The following NDUFAF6 variants were observed in gnomAD, a reference collection of about 807,000 sequenced individuals.
NDUFAF6 encodes NADH:ubiquinone oxidoreductase complex assembly factor 6, also known as NADH dehydrogenase (ubiquinone) complex I, assembly factor 6.
Under a neutral mutation model 40.8 loss-of-function variants are expected in NDUFAF6, and 45 were observed. The ratio of observed to expected loss-of-function variants is 1.10; its 90% CI spans 0.87 to 1.42. The LOEUF (loss-of-function observed/expected upper bound fraction) is 1.42. NDUFAF6 is among the 40% of genes most tolerant of loss of function. NDUFAF6 has a pLI of 0.00. For missense variants in NDUFAF6, 435 were observed against 418.5 expected (o/e 1.04, Z -0.34); for synonymous variants, 185 against 155.9 (o/e 1.19, Z -1.39).
intron 1 of NDUFAF6, among the ~76,000 whole-genome samples, chr8:94,925,156 A>G (rs569597103): frequency 3.5e-4 from 54 of 152,314 alleles, no homozygotes; most frequent in Non-Finnish European, 6.8e-4. Context: ...CATCTCAGCA[A>G]AGACTCAGAT....
intron 2 of NDUFAF6, among the ~76,000 whole-genome samples, chr8:95,090,121 C>G (rs984059496): frequency 7.3e-6 from 1 of 136,430 alleles, no homozygotes; most frequent in Non-Finnish European, 1.5e-5. Flanking sequence ...AAGGTGGGTG[C>G]TCCTTATTAA....
At position 94,991,796 on chromosome 8, in the gene NDUFAF6, G is replaced by GCC. The variant is rs35398480; in HGVS notation, c.-84+10833_-84+10834dup. On this transcript the variant is annotated intron_variant, in intron 2 of 9. Transcript: ENST00000396111. ...TACAAGGAGAGCTTCCTCATTCTTC[G>GCC]CCCCCCCCCCCTTTTTTTTTTTAAA... Among the ~76,000 whole-genome samples the GCC allele has an allele frequency of 1.5e-3, 170 of 113,276 alleles. 3 individuals carry two copies. The highest frequency in any genetic ancestry group is 3.2e-3 in the African/African-American group (96 of 30,054). 74.3% of individuals were successfully genotyped at this position (113,276 alleles called of 152,430 possible).
At chr8:95,097,174 A>G (rs1809492383), upstream of NDUFAF6, among the ~76,000 whole-genome samples, 1 of 152,270 alleles carries the variant, frequency 6.6e-6, no homozygotes. Context: ...ATGGGAAATT[A>G]CCAAAATACA....
At chr8:94,952,796 G>T (rs149567158) in intron 2 of NDUFAF6, among the ~76,000 whole-genome samples, 1 of 152,142 alleles carries the variant, frequency 6.6e-6, no homozygotes, top group African/African-American at 2.4e-5. Context: ...CTATTTCCAC[G>T]TGGTGATTAG....
intron 2 of NDUFAF6, among the ~76,000 whole-genome samples, chr8:95,087,220 A>G (rs1250534302): frequency 6.6e-6 from 1 of 152,102 alleles, no homozygotes; most frequent in Admixed American, 6.5e-5. Flanking sequence ...CTGCAAATAC[A>G]ACTTTTCATA....
chr8:95,007,645 C>A (rs1018208727), intron 2 of NDUFAF6, among the ~76,000 whole-genome samples: 1 of 139,786 alleles, frequency 7.2e-6, no homozygotes, highest in African/African-American at 2.7e-5. Context: ...GCCTGGGCAA[C>A]AGTGTGAGGC....
chr8:95,022,431 A>C (rs1480937404), upstream of NDUFAF6, among the ~76,000 whole-genome samples: 1 of 151,936 alleles, frequency 6.6e-6, no homozygotes, highest in African/African-American at 2.4e-5. Context: ...CAAATGGAAC[A>C]CTATAGACAC....
At chr8:94,997,343 C>CACACAGAGAGAGAG (rs1242904810) in intron 2 of NDUFAF6, among the ~76,000 whole-genome samples, 1 of 90,514 alleles carries the variant, frequency 1.1e-5, no homozygotes, top group African/African-American at 4.5e-5. Context: ...CACACACACA[C>CACACAGAGAGAGAG]AGAGAGAGAG....
At chr8:95,076,487 C>G (rs1371318102), downstream of NDUFAF6, among the ~76,000 whole-genome samples, 1 of 152,206 alleles carries the variant, frequency 6.6e-6, no homozygotes, top group African/African-American at 2.4e-5. Flanking sequence ...TGAACTGTCC[C>G]TCTTGCCTGT....
chr8:95,105,060 CACACACAG>C (rs1230043963), downstream of NDUFAF6, among the ~76,000 whole-genome samples: 5 of 58,960 alleles, frequency 8.5e-5, no homozygotes, highest in Admixed American at 2.5e-4. Context: ...CACACACACA[CACACACAG>C]AGAGAGAGAG....
At chr8:94,907,284 G>C (rs1818454993) in intron 1 of NDUFAF6, among the ~76,000 whole-genome samples, 1 of 152,182 alleles carries the variant, frequency 6.6e-6, no homozygotes, top group African/African-American at 2.4e-5. Flanking sequence ...GTAAATGCCA[G>C]GTAGCAAGGA....
chr8:94,962,026 C>A (rs1039966159), intron 1 of NDUFAF6, among the ~76,000 whole-genome samples: 11 of 152,194 alleles, frequency 7.2e-5, no homozygotes, highest in African/African-American at 2.4e-4. Context: ...TTTGCCTTCC[C>A]CCTTCTTAGC....
At chr8:94,983,735 G>GA (rs1438702690) in intron 2 of NDUFAF6, among the ~76,000 whole-genome samples, 2 of 152,178 alleles carry the variant, frequency 1.3e-5, no homozygotes, top group African/African-American at 4.8e-5. Flanking sequence ...ATCATACTAT[G>GA]AGTGGTAGAG....
chr8:94,985,682 T>C (rs1825847558), intron 2 of NDUFAF6, among the ~76,000 whole-genome samples: 1 of 147,848 alleles, frequency 6.8e-6, no homozygotes, highest in East Asian at 2.0e-4. Context: ...ATTACAGGCA[T>C]GCACCACCAT....
At chr8:94,933,425 T>C (rs1299031265) in intron 1 of NDUFAF6, among the ~76,000 whole-genome samples, 1 of 152,146 alleles carries the variant, frequency 6.6e-6, no homozygotes, top group South Asian at 2.1e-4. Context: ...AGAAATCTAC[T>C]GAAACAAAAT....
intron 1 of NDUFAF6, among the ~76,000 whole-genome samples, chr8:94,941,768 G>T (rs1262157401): frequency 1.3e-5 from 2 of 152,208 alleles, no homozygotes; most frequent in Non-Finnish European, 1.5e-5. Flanking sequence ...TGCTGTGTGA[G>T]TTAGGAAGTT....
chr8:95,074,001 A>C (rs1448893692), intron 9 of NDUFAF6, among the ~76,000 whole-genome samples: 1 of 152,194 alleles, frequency 6.6e-6, no homozygotes, highest in Non-Finnish European at 1.5e-5. Context: ...TTTTTAAAGG[A>C]TAGAGTCCTT....
intron 1 of NDUFAF6, among the ~76,000 whole-genome samples, chr8:95,100,825 G>A (rs1809626374): frequency 6.6e-6 from 1 of 152,040 alleles, no homozygotes. Flanking sequence ...CTATTACTTT[G>A]TTTGTTCTTT....
intron 1 of NDUFAF6, among the ~76,000 whole-genome samples, chr8:94,944,861 C>G (rs1038930636): frequency 2.0e-5 from 3 of 152,158 alleles, no homozygotes; most frequent in Non-Finnish European, 4.4e-5. Flanking sequence ...CACTCTCTTT[C>G]CCCACAAACT....
Sources: gnomAD v4.1 joint callset for allele counts (sites outside exome capture counted in the v4.1 genomes callset) on GRCh38, gnomAD v4.1.1 for gene constraint, MANE v1.5 for transcripts, NCBI Gene and HGNC (gene_info 2026-07-23, HGNC 2026-07-21) for gene names.